Variants in CELA3A observed in about 807,000 individuals in gnomAD.
CELA3A encodes the protein chymotrypsin like elastase 3A, also known as chymotrypsin-like elastase family member 3A.
CELA3A carries 35 observed loss-of-function variants against 38.6 expected under a neutral mutation model. That is an observed-to-expected ratio of 0.91 (90% confidence interval 0.69 to 1.20). The LOEUF (loss-of-function observed/expected upper bound fraction) is 1.20, where lower values mean the gene tolerates loss of function less well. CELA3A is among the 50% of genes most tolerant of loss of function. The pLI, the probability that CELA3A is intolerant of heterozygous loss-of-function variation, is 0.00. For synonymous variants in CELA3A, 143 were observed against 136.7 expected (o/e 1.05, Z -0.32); for missense variants, 343 against 354.2 (o/e 0.97, Z 0.25).
chr1:22,002,475 G>T, intron 1 of CELA3A: 2 of 451,360 alleles, frequency 4.4e-6, no homozygotes, highest in South Asian at 3.1e-5. Context: ...TGAGATTATA[G>T]GCACATGCCA....
chr1:22,005,425 C>T, intron 2 of CELA3A, 22 bp from the exon 3 acceptor site: 1 of 1,611,502 alleles, frequency 6.2e-7, no homozygotes, highest in Non-Finnish European at 8.5e-7. Flanking sequence ...CCCACTGAGG[C>T]CCTTTCCTCC....
At chr1:22,004,591 C>A (rs1468154509) in intron 2 of CELA3A, among the ~76,000 whole-genome samples, 1 of 151,836 alleles carries the variant, frequency 6.6e-6, no homozygotes, top group African/African-American at 2.4e-5. Flanking sequence ...CAGACACAAA[C>A]AATACAGAAA....
At position 22,012,526 on chromosome 1, in the gene CELA3A, C is replaced by T. The variant is rs1644988166; in HGVS notation, c.*59C>T. 11 of 936,882 alleles carry T rather than the reference C, an allele frequency of 1.2e-5. 1 individual carries two copies. In the East Asian group the frequency reaches 1.4e-4, roughly 12 times the overall value. The allele number at this position is 936,882 out of a possible 1,614,324, so 58.0% of individuals were successfully genotyped here. On this transcript the variant is annotated 3_prime_UTR_variant, in exon 8 of 8. Coordinates refer to ENST00000290122, the MANE Select transcript of CELA3A (RefSeq NM_005747.5). ...CACATCCTGAATAAAGAATAAAGATCTCTCAGAAAATTCCAAGTTGAATCT... is the reference window on the plus strand; with the variant it reads ...CACATCCTGAATAAAGAATAAAGATTTCTCAGAAAATTCCAAGTTGAATCT...
At chr1:22,010,054 G>A (rs1644974292) in intron 7 of CELA3A, 197 bp downstream of exon 7, 1 of 770,756 alleles carries the variant, frequency 1.3e-6, no homozygotes, top group Non-Finnish European at 2.1e-6. Flanking sequence ...TGGCTTCTGG[G>A]TGGTGCTTGG....
At chr1:22,010,983 T>C (rs1472010362) in intron 7 of CELA3A, 2 of 151,252 alleles carry the variant, frequency 1.3e-5, no homozygotes, top group East Asian at 3.9e-4. Flanking sequence ...AATAAAACAG[T>C]AGTGCTTGCT....
intron 6 of CELA3A, among the ~76,000 whole-genome samples, chr1:22,008,593 A>G (rs1644965213): frequency 6.6e-6 from 1 of 150,464 alleles, no homozygotes; most frequent in Admixed American, 6.6e-5. Flanking sequence ...CCTCGTCTCT[A>G]CTAAACACAC....
In CELA3A at chr1:22,005,520, T is replaced by G. The variant is rs781708333; in HGVS notation, c.203T>G (p.Val68Gly). 14 of 1,612,750 alleles carry G rather than the reference T, an allele frequency of 8.7e-6. No individual in the cohort carries two copies. The African/African-American group carries it at 1.2e-4, about 14-fold the overall frequency. ...CGGSLIAPDW[V>G]VTAGHCISRD... Reference sequence around the variant, plus strand: ...GGTAGCCTCATCGCCCCCGATTGGGTTGTGACTGCCGGCCACTGCATCTCG... The same window carrying G: ...GGTAGCCTCATCGCCCCCGATTGGGGTGTGACTGCCGGCCACTGCATCTCG... The change falls in exon 3 of 8, where the codon GTT becomes GGT. Residue 68 changes from valine to glycine, a missense_variant. Transcript: ENST00000290122.
At position 22,006,926 on chromosome 1, in the gene CELA3A, T is replaced by C. The variant is rs138658162; in HGVS notation, c.411T>C (p.Asp137=). 1.2e-3 allele frequency: 1,940 copies of C among 1,611,600 alleles called. 48 individuals carry two copies. The highest frequency in any genetic ancestry group is 7.8e-3 in the African/African-American group (576 of 74,222). The change falls in exon 5 of 8, where the codon GAT becomes GAC. Residue 137 remains aspartate, a synonymous_variant. Coordinates refer to ENST00000290122, the MANE Select transcript of CELA3A (RefSeq NM_005747.5). ...TCTCACGCAGCGCCCAGCTGGGAGA[T>C]GCCGTCCAGCTCGCCTCACTCCCTC... The part of the protein sequence containing the change: ...IKLSRSAQLG[D]AVQLASLPPA...
intron 4 of CELA3A, chr1:22,006,045 G>C (rs538094493): frequency 3.5e-6 from 2 of 565,244 alleles, no homozygotes; most frequent in African/African-American, 3.8e-5. Flanking sequence ...TCAGGGAGGG[G>C]CAGGAACTCT....
rs1013243625 is a variant in CELA3A at position 22,001,746 on chromosome 1, C to T, written c.43+29C>T. On this transcript the variant is annotated intron_variant, in intron 1 of 7. Transcript: ENST00000290122. ...AGACCCCAACCTGTCTGTGTGCTCC[C>T]TGGGCTGCCCTGGACTAGGAATCCT... is the stretch of plus-strand genomic sequence containing the variant. 16 of 1,610,604 alleles carry T rather than the reference C, an allele frequency of 9.9e-6. No homozygotes were observed. In the African/African-American group the frequency reaches 1.5e-4, roughly 15 times the overall value.
At chr1:22,008,027 G>A (rs139729615) in intron 6 of CELA3A, among the ~76,000 whole-genome samples, 21 of 150,950 alleles carry the variant, frequency 1.4e-4, no homozygotes, top group Non-Finnish European at 2.4e-4. Flanking sequence ...GGTGGCACTC[G>A]CCTGTAGTCC....
Position 22,012,140 on chromosome 1 carries a change from TAC to T in CELA3A, c.796-304_796-303del, listed in dbSNP as rs1644986685. 2.3e-5 allele frequency among the ~76,000 whole-genome samples: 3 copies of T among 127,838 alleles called. 1 individual carries two copies. Among genetic ancestry groups the T allele is most frequent in the East Asian group, 2.5e-4 (1 of 3,958 alleles). The allele number at this position is 127,838 out of a possible 152,430, so 83.9% of individuals were successfully genotyped here. On this transcript the variant is annotated intron_variant, in intron 7 of 7. Transcript: ENST00000290122. ...ATATACACAAACACATACGTATATATACACACAAATACGTATATATATACACA... is the reference window on the plus strand; with the variant it reads ...ATATACACAAACACATACGTATATATACACAAATACGTATATATATACACA...
At chr1:22,005,622 G>A (rs1482795753) in intron 3 of CELA3A, 40 bp from the exon 4 acceptor site, 12 of 1,549,024 alleles carry the variant, frequency 7.7e-6, no homozygotes, top group South Asian at 1.2e-5. Flanking sequence ...GGAGGGAGGT[G>A]AGCCAGTCAG....
intron 2 of CELA3A, among the ~76,000 whole-genome samples, chr1:22,003,474 G>A (rs1644930053): frequency 6.6e-6 from 1 of 150,792 alleles, no homozygotes; most frequent in South Asian, 2.1e-4. Flanking sequence ...TAAGGCCAGT[G>A]GAGGGAAGCT....
chr1:22,011,820 C>T lies in CELA3A; in HGVS notation c.796-630C>T, dbSNP rs1438404761. On this transcript the variant is annotated intron_variant, in intron 7 of 7. Transcript: ENST00000290122. ...CCGTAATCCCACCACTTTGGGAGGC[C>T]GAGGTGGGCAGATCACGAGGTCAGG... is the stretch of plus-strand genomic sequence containing the variant. Among the ~76,000 whole-genome samples the T allele has an allele frequency of 2.4e-5, 3 of 124,842 alleles. 1 individual carries two copies. The highest frequency in any genetic ancestry group is 6.6e-5 in the African/African-American group (2 of 30,296). The allele number at this position is 124,842 out of a possible 152,430, so 81.9% of individuals were successfully genotyped here. A position where few individuals can be genotyped will look rare whatever the true frequency, so the allele number is the denominator to read the frequency against.
rs1483256416 is a variant in CELA3A, at chr1:22,007,053, G to A, written c.499+39G>A. On this transcript the variant is annotated intron_variant, in intron 5 of 7. Coordinates refer to ENST00000290122, the MANE Select transcript of CELA3A (RefSeq NM_005747.5). ...TCTCTAGCTGGCCACAGAGACAGTG[G>A]CAGAAAGACAGGGCCTGGGGGCTGC... 2.5e-6 allele frequency: 4 copies of A among 1,606,068 alleles called. No homozygotes were observed. The Admixed American group carries it at 6.7e-5, about 27-fold the overall frequency.
At chr1:22,004,981 C>G (rs1320642049) in intron 2 of CELA3A, among the ~76,000 whole-genome samples, 2 of 150,780 alleles carry the variant, frequency 1.3e-5, no homozygotes, top group East Asian at 2.0e-4. Flanking sequence ...TGCCTGTAAT[C>G]CCGGTTACTG....
At chr1:22,006,377 A>T (rs1292555609) in intron 4 of CELA3A, among the ~76,000 whole-genome samples, 1 of 151,000 alleles carries the variant, frequency 6.6e-6, no homozygotes, top group Non-Finnish European at 1.5e-5. Flanking sequence ...CTTAACAAAT[A>T]TTAGCCAGGC....
In CELA3A at chr1:22,005,659, C is replaced by A; in HGVS notation, c.228-3C>A. The stretch of plus-strand genomic sequence containing the variant: ...CCCCGACTGACCTCACCTCTGCCTG[C>A]AGGAGGGATCTGACCTACCAGGTGG... On this transcript the variant is annotated splice_polypyrimidine_tract_variant and splice_region_variant and intron_variant, in intron 3 of 7. Coordinates refer to ENST00000290122, the MANE Select transcript of CELA3A (RefSeq NM_005747.5). 2 of 1,612,390 alleles carry A rather than the reference C, an allele frequency of 1.2e-6. No homozygotes were observed. Among genetic ancestry groups the A allele is most frequent in the Non-Finnish European group, 1.7e-6 (2 of 1,179,430 alleles).
Sources: allele counts gnomAD v4.1 joint callset (sites outside exome capture counted in the v4.1 genomes callset), GRCh38; gene constraint gnomAD v4.1.1; transcripts MANE v1.5; gene names NCBI Gene and HGNC (gene_info 2026-07-23, HGNC 2026-07-21).